The following MYH14 variants were observed in gnomAD, a reference collection of about 807,000 sequenced individuals.
The protein encoded by MYH14 is myosin-14.
A neutral mutation model predicts 255.5 loss-of-function variants in MYH14; 123 were observed. The observed-to-expected ratio is 0.48, with a 90% CI of 0.42 to 0.56. The LOEUF (loss-of-function observed/expected upper bound fraction) is 0.56. Among genes scored for constraint, MYH14 ranks in the 20% least tolerant of loss-of-function variants. The pLI, the probability that MYH14 is intolerant of heterozygous loss-of-function variation, is 0.00. For synonymous variants in MYH14, 1,095 were observed against 1,161.2 expected (o/e 0.94, Z 1.16); for missense variants, 2,423 against 2,802.3 (o/e 0.86, Z 3.06).
rs905276727 is a variant in MYH14 at position 50,281,848 on chromosome 19, G to A, written c.4539+6G>A. 1 of 1,607,764 alleles carries A rather than the reference G, an allele frequency of 6.2e-7. No homozygotes were observed. The highest frequency in any genetic ancestry group is 1.3e-5 in the African/African-American group (1 of 74,830). ...AGCAGCGCAAGTTTGACCAGGTGGGGCACCTCAGTTCACCCAGCCGGGGAA... is the reference window on the plus strand; with the variant it reads ...AGCAGCGCAAGTTTGACCAGGTGGGACACCTCAGTTCACCCAGCCGGGGAA... On this transcript the variant is annotated splice_donor_region_variant and intron_variant, in intron 33 of 42. Coordinates refer to ENST00000642316, the MANE Select transcript of MYH14 (RefSeq NM_001145809.2).
At chr19:50,262,076 G>A (rs1037685402) in intron 21 of MYH14, among the ~76,000 whole-genome samples, 4 of 152,228 alleles carry the variant, frequency 2.6e-5, no homozygotes, top group African/African-American at 9.6e-5. Flanking sequence ...GGGCCATAGA[G>A]GTGCAGCAAG....
At chr19:50,236,485 G>A (rs558603907) in intron 10 of MYH14, among the ~76,000 whole-genome samples, 94 of 152,162 alleles carry the variant, frequency 6.2e-4, no homozygotes, top group African/African-American at 1.8e-3. Context: ...CGAGGCAGGC[G>A]GATCATGAGG....
intron 6 of MYH14, among the ~76,000 whole-genome samples, chr19:50,225,303 T>G (rs1275141355): frequency 6.6e-6 from 1 of 152,220 alleles, no homozygotes; most frequent in East Asian, 1.9e-4. Context: ...TCATTTCTTA[T>G]TAATGGGATA....
chr19:50,263,325 C>T lies in MYH14; in HGVS notation c.2599C>T (p.Arg867Cys), dbSNP rs753356694. The T allele has an allele frequency of 5.6e-5, 88 of 1,560,888 alleles. 1 individual carries two copies. Among genetic ancestry groups the T allele is most frequent in the Non-Finnish European group, 7.0e-5 (81 of 1,152,524 alleles). ...GYLARRAFQK[R>C]QQQQSALRVM... ...TTCCCCACCCAGGGCCTTCCAGAAG[C>T]GCCAGCAGCAGCAGAGCGCCCTGAG... The change falls in exon 22 of 43, where the codon CGC becomes TGC. Residue 867 changes from arginine to cysteine, a missense_variant. This residue lies in a region of MYH14 where 1,513 missense variants were observed against 1,674.8 expected (regional missense o/e 0.90). Transcript: ENST00000642316.
intron 14 of MYH14, 124 bp downstream of exon 14, chr19:50,249,947 A>T (rs2034300689): frequency 6.6e-6 from 8 of 1,209,986 alleles, no homozygotes; most frequent in Non-Finnish European, 9.3e-6. Flanking sequence ...TCTGTGGGGA[A>T]GGTGACAGCA....
Position 50,286,489 on chromosome 19 carries a change from C to T in MYH14, c.4547C>T (p.Ala1516Val). Residue 1516 changes from alanine to valine, a missense_variant, in exon 34 of 43, where the codon GCA becomes GTA. Physicochemically the swap from Ala to Val is moderately conservative, Grantham distance 64. Transcript: ENST00000642316. ...TCTCCCTCAAACTGGAAGCTTCTGGCAGAGGAGAAGGCAGCTGTACTTCGG... is the reference window on the plus strand; with the variant it reads ...TCTCCCTCAAACTGGAAGCTTCTGGTAGAGGAGAAGGCAGCTGTACTTCGG... Reference protein sequence around the residue: ...KKQRKFDQLLAEEKAAVLRAV... With the variant: ...KKQRKFDQLLVEEKAAVLRAV... The T allele has an allele frequency of 6.2e-7, 1 of 1,611,862 alleles. No homozygotes were observed.
intron 41 of MYH14, 189 bp from the exon 42 acceptor site, chr19:50,308,816 G>A (rs1036451203): frequency 1.6e-6 from 1 of 615,550 alleles, no homozygotes; most frequent in Admixed American, 3.0e-5. Flanking sequence ...CTGGAGGGGA[G>A]AGACTGGAGG....
chr19:50,254,245 A>G (rs537115710), intron 16 of MYH14, among the ~76,000 whole-genome samples: 6 of 151,974 alleles, frequency 3.9e-5, no homozygotes, highest in Admixed American at 6.6e-5. Context: ...AAAAAAAAAG[A>G]AAACAAAATG....
In MYH14 at chr19:50,244,288, C is replaced by G; in HGVS notation, c.1161C>G (p.Ala387=). The G allele has an allele frequency of 6.2e-7, 1 of 1,613,872 alleles. No homozygotes were observed. The highest frequency in any genetic ancestry group is 1.3e-5 in the African/African-American group (1 of 75,020). ...CAGTTCTCCAGTTTGGCAACATTGCCTTGAAGAGAGAACGGAACACCGATC... is the reference window on the plus strand; with the variant it reads ...CAGTTCTCCAGTTTGGCAACATTGCGTTGAAGAGAGAACGGAACACCGATC... ...VSAVLQFGNI[A]LKRERNTDQA... The change falls in exon 11 of 43, where the codon GCC becomes GCG. Residue 387 remains alanine, a synonymous_variant. Transcript: ENST00000642316.
At chr19:50,273,871 A>G (rs567751506) in intron 27 of MYH14, among the ~76,000 whole-genome samples, 1 of 152,112 alleles carries the variant, frequency 6.6e-6, no homozygotes. Flanking sequence ...TCCCAACCTC[A>G]GGTGATCCAT....
chr19:50,258,833 C>T (rs1380002472), intron 18 of MYH14: 1 of 290,110 alleles, frequency 3.4e-6, no homozygotes, highest in Non-Finnish European at 6.3e-6. Flanking sequence ...TGGCGACTCT[C>T]TTGCGTGCAA....
At chr19:50,281,171 G>A (rs2035704428) in intron 32 of MYH14, among the ~76,000 whole-genome samples, 1 of 152,174 alleles carries the variant, frequency 6.6e-6, no homozygotes, top group Admixed American at 6.5e-5. Context: ...CCTTCAACTG[G>A]CAGACTTCTA....
chr19:50,272,456 G>C (rs2035338105), intron 26 of MYH14, 104 bp from the exon 27 acceptor site: 1 of 1,214,300 alleles, frequency 8.2e-7, no homozygotes, highest in African/African-American at 1.5e-5. Flanking sequence ...TAAGGGAGGT[G>C]CTGAGCTTAG....
Position 50,281,453 on chromosome 19 carries a change from CAG to C in MYH14, c.4291-138_4291-137del, listed in dbSNP as rs373924228. 6.0e-4 allele frequency: 752 copies of C among 1,256,716 alleles called. 2 individuals are homozygous for C. The African/African-American group carries it at 9.7e-3, about 16-fold the overall frequency. 77.8% of individuals were successfully genotyped at this position (1,256,716 alleles called of 1,614,324 possible). ...ATAGTATTCACAACTTCACACCACT[CAG>C]AGGCAGAAGAGCCCAGCAGAATGAC... On this transcript the variant is annotated intron_variant, in intron 32 of 42. Coordinates refer to ENST00000642316, the MANE Select transcript of MYH14 (RefSeq NM_001145809.2).
intron 39 of MYH14, among the ~76,000 whole-genome samples, chr19:50,300,623 C>T (rs1270387553): frequency 6.6e-6 from 1 of 150,994 alleles, no homozygotes; most frequent in Non-Finnish European, 1.5e-5. Flanking sequence ...GTGGCAGGCA[C>T]CTGTAATTCC....
chr19:50,247,167 C>T (rs1417954064), intron 12 of MYH14, 45 bp downstream of exon 12: 1 of 1,353,116 alleles, frequency 7.4e-7, no homozygotes, highest in Non-Finnish European at 1.0e-6. Context: ...AGCCGCGCAC[C>T]CCGGCCCTGG....
At chr19:50,274,123 T>TGA (rs2035418623) in intron 27 of MYH14, among the ~76,000 whole-genome samples, 1 of 152,228 alleles carries the variant, frequency 6.6e-6, no homozygotes, top group African/African-American at 2.4e-5. Context: ...TCGCATACCC[T>TGA]GAGCCCTCAA....
At chr19:50,244,026 C>G in intron 10 of MYH14, among the ~76,000 whole-genome samples, 1 of 149,410 alleles carries the variant, frequency 6.7e-6, no homozygotes, top group Non-Finnish European at 1.5e-5. Context: ...TCAGGCTGGT[C>G]TCAAACTCCT....
chr19:50,219,385 A>G (rs532017263), intron 3 of MYH14, among the ~76,000 whole-genome samples: 46 of 152,168 alleles, frequency 3.0e-4, no homozygotes, highest in South Asian at 8.3e-4. Flanking sequence ...TTAAAAAATC[A>G]AAAAATAACA....
Sources: allele counts gnomAD v4.1 joint callset (sites outside exome capture counted in the v4.1 genomes callset), GRCh38; gene constraint gnomAD v4.1.1; regional missense constraint gnomAD v4.1.1; transcripts MANE v1.5; gene names NCBI Gene and HGNC (gene_info 2026-07-23, HGNC 2026-07-21).